ABCD4: variants seen among roughly 807,000 people sequenced by gnomAD.
ABCD4 encodes the protein ATP binding cassette subfamily D member 4, also known as lysosomal cobalamin transporter ABCD4.
In ABCD4, 53 loss-of-function variants were observed where a neutral mutation model predicts 86.3. The observed-to-expected ratio is 0.61, with a 90% CI of 0.49 to 0.77. The LOEUF is 0.77. ABCD4 is among the 30% of genes least tolerant of loss of function. The pLI, the probability that ABCD4 is intolerant of heterozygous loss-of-function variation, is 0.00. For missense variants in ABCD4, 757 were observed against 764.5 expected, an observed-to-expected ratio of 0.99 and a Z score of 0.12; for synonymous variants, 328 against 313.6, an observed-to-expected ratio of 1.05 and a Z score of -0.49.
chr14:74,295,923 A>C lies in ABCD4; in HGVS notation c.599T>G (p.Val200Gly). 6.2e-7 allele frequency: 1 copy of C among 1,612,778 alleles called. No individual in the cohort carries two copies. Among genetic ancestry groups the C allele is most frequent in the South Asian group, 1.1e-5 (1 of 90,838 alleles). Residue 200 changes from valine (V) to glycine (G), a missense_variant, in exon 6 of 19, where the codon GTG (valine) becomes GGG (glycine). Coordinates refer to ENST00000356924, the MANE Select transcript of ABCD4 (RefSeq NM_005050.4). ...IFGYFILGTVVNKTLMGPIVM... is the reference protein window; with the variant it reads ...IFGYFILGTVGNKTLMGPIVM... ...AATGGGGCCCATCAAAGTTTTGTTC[A>C]CCACGGTCCCCAGGATGAAATACCC...
chr14:74,300,410 C>T, intron 1 of ABCD4, 142 bp from the exon 2 acceptor site: 2 of 625,020 alleles, frequency 3.2e-6, no homozygotes, highest in Non-Finnish European at 5.7e-6. Flanking sequence ...AGATGGTAGG[C>T]TGGGAACAGA....
chr14:74,300,283 G>C lies in ABCD4; in HGVS notation c.39-15C>G. On this transcript the variant is annotated splice_polypyrimidine_tract_variant and intron_variant, in intron 1 of 18. Transcript: ENST00000356924. ...CTAACCTGGGCCTGAAGAGAAGGTG[G>C]GGAGGCAGAGAAAAGCCCAAGACAA... 1 of 1,555,526 alleles carries C rather than the reference G, an allele frequency of 6.4e-7. No homozygotes were observed. The highest frequency in any genetic ancestry group is 8.9e-7 in the Non-Finnish European group (1 of 1,127,290).
chr14:74,289,392 C>T, intron 14 of ABCD4, 91 bp downstream of exon 14: 2 of 1,558,804 alleles, frequency 1.3e-6, no homozygotes, highest in Non-Finnish European at 1.7e-6. Context: ...GCTGGAGCCT[C>T]TCCCCAAGGG....
intron 11 of ABCD4, among the ~76,000 whole-genome samples, chr14:74,291,362 C>G (rs2081446580): frequency 6.6e-6 from 1 of 152,192 alleles, no homozygotes; most frequent in Non-Finnish European, 1.5e-5. Flanking sequence ...CCATGAGTCT[C>G]AAATATCATC....
chr14:74,299,738 C>A, intron 2 of ABCD4, 63 bp from the exon 3 acceptor site: 6 of 1,506,122 alleles, frequency 4.0e-6, no homozygotes, highest in Non-Finnish European at 5.4e-6. Context: ...GAGGCTTCTT[C>A]CTGAGTCCCT....
chr14:74,302,146 G>A (rs1419410093), intron 1 of ABCD4, among the ~76,000 whole-genome samples: 1 of 152,078 alleles, frequency 6.6e-6, no homozygotes, highest in African/African-American at 2.4e-5. Flanking sequence ...GCAACAATAT[G>A]CACAAGGAGA....
At chr14:74,301,256 T>G (rs2084414648) in intron 1 of ABCD4, among the ~76,000 whole-genome samples, 1 of 148,350 alleles carries the variant, frequency 6.7e-6, no homozygotes, top group African/African-American at 2.5e-5. Context: ...GCCTCCCGGG[T>G]TCAAGCGACT....
At chr14:74,299,398 T>A (rs2083713996) in intron 3 of ABCD4, 150 bp downstream of exon 3, 1 of 992,750 alleles carries the variant, frequency 1.0e-6, no homozygotes, top group African/African-American at 1.6e-5. Context: ...ACGTGCTTAA[T>A]AAAGGCAACT....
At chr14:74,292,895 C>G (rs1386978725) in intron 8 of ABCD4, 26 bp from the exon 9 acceptor site, 2 of 1,613,938 alleles carry the variant, frequency 1.2e-6, no homozygotes, top group East Asian at 2.2e-5. Context: ...CTGTGAGACA[C>G]CCAGGAACCA....
intron 8 of ABCD4, 79 bp from the exon 9 acceptor site, chr14:74,292,948 G>C: frequency 6.3e-7 from 1 of 1,597,396 alleles, no homozygotes; most frequent in Non-Finnish European, 8.5e-7. Context: ...ACAGGGAGCA[G>C]GACGCCAAGT....
intron 8 of ABCD4, 128 bp downstream of exon 8, chr14:74,293,023 CCCT>C: frequency 7.0e-7 from 1 of 1,436,698 alleles, no homozygotes; most frequent in Middle Eastern, 1.9e-4. Context: ...CAACAGCCCC[CCCT>C]CCTCATCCCC....
intron 1 of ABCD4, among the ~76,000 whole-genome samples, chr14:74,300,611 C>A (rs376382522): frequency 2.4e-4 from 36 of 147,978 alleles, no homozygotes; most frequent in South Asian, 1.9e-3. Flanking sequence ...AAAAAAAAAC[C>A]AAAAACAAAA....
In ABCD4 at chr14:74,287,113, T is replaced by C. The variant is rs113034470; in HGVS notation, c.1637-297A>G. Among the ~76,000 whole-genome samples, 2,883 of 152,292 alleles carry C rather than the reference T, an allele frequency of 0.019. 84 individuals are homozygous for C. The highest frequency in any genetic ancestry group is 0.089 in the Admixed American group (1,354 of 15,298). ...AGTCCCCCGCAAGAATGTCAGTCTT[T>C]GGAAAAGTCCACACCCATCCACCTG... On this transcript the variant is annotated intron_variant, in intron 17 of 18. Transcript: ENST00000356924.
At chr14:74,302,111 C>A (rs184175006) in intron 1 of ABCD4, among the ~76,000 whole-genome samples, 117 of 152,248 alleles carry the variant, frequency 7.7e-4, no homozygotes, top group Non-Finnish European at 1.5e-3. Context: ...CAGGACCCAA[C>A]TCTGGGGTGG....
At chr14:74,289,904 C>T (rs1024607217) in intron 13 of ABCD4, 123 bp downstream of exon 13, 1 of 1,540,354 alleles carries the variant, frequency 6.5e-7, no homozygotes, top group African/African-American at 1.4e-5. Flanking sequence ...CAGGCCCGGG[C>T]CACTTCACCA....
intron 7 of ABCD4, 103 bp from the exon 8 acceptor site, chr14:74,293,351 C>A: frequency 9.7e-7 from 1 of 1,033,174 alleles, no homozygotes; most frequent in South Asian, 1.4e-5. Context: ...CAAGGCCATT[C>A]AAATGATCTT....
chr14:74,295,002 G>T (rs1386718216), intron 7 of ABCD4, 146 bp downstream of exon 7: 10 of 934,424 alleles, frequency 1.1e-5, no homozygotes, highest in Non-Finnish European at 1.7e-5. Flanking sequence ...GGCAAGGGCA[G>T]GGGGAGGTAG....
Position 74,302,885 on chromosome 14 carries a change from C to G in ABCD4, c.28G>C (p.Ala10Pro). The G allele has an allele frequency of 6.2e-7, 1 of 1,607,652 alleles. No individual in the cohort carries two copies. ...GACCGCCCTGCTTACCTGGCGCCAG[C>G]TCCGGGCGCGGGCCCCGCGACCGCC... MAVAGPAPG[A>P]GARPRLDLQF... Residue 10 changes from alanine (A) to proline (P), a missense_variant, in exon 1 of 19, where the codon GCT becomes CCT. Physicochemically the swap from Ala to Pro is conservative, Grantham distance 27 (BLOSUM62 -1). Transcript: ENST00000356924.
rs775419445 is a variant in ABCD4 at position 74,287,804 on chromosome 14, C to A, written c.1636+6G>T. 17 of 1,609,240 alleles carry A rather than the reference C, an allele frequency of 1.1e-5. No homozygotes were observed. Among genetic ancestry groups the A allele is most frequent in the Non-Finnish European group, 1.4e-5 (17 of 1,177,760 alleles). On this transcript the variant is annotated splice_donor_region_variant and intron_variant, in intron 17 of 18. Transcript: ENST00000356924. ...TGGCATGTGCAGCCACAAGGCGAGA[C>A]CTCACCTGCGTACTTCGGCTGCAGG... is the stretch of plus-strand genomic sequence containing the variant.
Sources: allele counts gnomAD v4.1 joint callset (sites outside exome capture counted in the v4.1 genomes callset), GRCh38; gene constraint gnomAD v4.1.1; transcripts MANE v1.5; gene names NCBI Gene and HGNC (gene_info 2026-07-23, HGNC 2026-07-21).